The following CHRNA3 variants were observed in gnomAD, a reference collection of about 807,000 sequenced individuals.
The protein encoded by CHRNA3 is neuronal acetylcholine receptor subunit alpha-3.
A neutral mutation model predicts 41.9 loss-of-function variants in CHRNA3; 34 were observed. That is an observed-to-expected ratio of 0.81 (90% CI 0.62 to 1.08). The LOEUF (loss-of-function observed/expected upper bound fraction) is 1.08, where lower values mean the gene tolerates loss of function less well. Among genes scored for constraint, CHRNA3 ranks in the 50% least tolerant of loss-of-function variants. CHRNA3 has a pLI of 0.00. For synonymous variants in CHRNA3, 281 were observed against 265.2 expected (o/e 1.06, Z -0.58); for missense variants, 542 against 638.3 (o/e 0.85, Z 1.63).
At chr15:78,593,561 TTGAC>T (rs71528529), downstream of CHRNA3, 75 of 189,590 alleles carry the variant, frequency 4.0e-4, no homozygotes, top group Non-Finnish European at 6.7e-4. Context: ...AGTTCATCCT[TTGAC>T]TGTGCTGGAG....
chr15:78,595,960 C>G lies in CHRNA3; in HGVS notation c.*644G>C. On this transcript the variant is annotated 3_prime_UTR_variant, in exon 6 of 6. Coordinates refer to ENST00000326828, the MANE Select transcript of CHRNA3 (RefSeq NM_000743.5). ...GTGCCTTGACCTTGGACCTCCCAAC[C>G]TCCAAAACTGAGAAGTTTCTGTTGT... 1 of 800,038 alleles carries G rather than the reference C, an allele frequency of 1.2e-6. No individual in the cohort carries two copies. The highest frequency in any genetic ancestry group is 1.5e-6 in the Non-Finnish European group (1 of 661,850). 49.6% of individuals were successfully genotyped at this position (800,038 alleles called of 1,614,324 possible).
chr15:78,618,568 A>G (rs1440462303), intron 3 of CHRNA3, 49 bp downstream of exon 3: 1 of 1,610,426 alleles, frequency 6.2e-7, no homozygotes, highest in East Asian at 2.2e-5. Flanking sequence ...TAAAGCAAAT[A>G]AAACAGTCAC....
At chr15:78,604,249 C>T (rs965188745) in intron 4 of CHRNA3, among the ~76,000 whole-genome samples, 15 of 152,228 alleles carry the variant, frequency 9.9e-5, no homozygotes, top group Admixed American at 5.2e-4. Context: ...TGACCCACAA[C>T]GCCTAAAATA....
chr15:78,600,608 G>A (rs568618658), intron 5 of CHRNA3, among the ~76,000 whole-genome samples: 5 of 152,332 alleles, frequency 3.3e-5, no homozygotes, highest in African/African-American at 4.8e-5. Flanking sequence ...AAGGCCAGGT[G>A]CGGTGGCTCA....
chr15:78,615,843 C>A (rs1448600773), intron 4 of CHRNA3, among the ~76,000 whole-genome samples: 2 of 148,564 alleles, frequency 1.3e-5, no homozygotes, highest in African/African-American at 2.5e-5. Flanking sequence ...CAGGTTCAAG[C>A]GATTCTCCTG....
Position 78,596,100 on chromosome 15 carries a change from T to C in CHRNA3, c.*504A>G. 4 of 985,342 alleles carry C rather than the reference T, an allele frequency of 4.1e-6. No homozygotes were observed. Among genetic ancestry groups the C allele is most frequent in the Non-Finnish European group, 4.8e-6 (4 of 829,862 alleles). The allele number at this position is 985,342 out of a possible 1,614,324, so 61.0% of individuals were successfully genotyped here. ...TGCAAGAGAAGTAGTTGAAGCTCTC[T>C]GAAATGGAGGCATAGCCCTTTAGAC... On this transcript the variant is annotated 3_prime_UTR_variant, in exon 6 of 6. Transcript: ENST00000326828.
chr15:78,608,582 C>T (rs533511440), intron 4 of CHRNA3, among the ~76,000 whole-genome samples: 9 of 152,240 alleles, frequency 5.9e-5, no homozygotes, highest in Non-Finnish European at 1.0e-4. Flanking sequence ...CCCATCTGTA[C>T]GTCACCATCA....
chr15:78,609,325 A>G (rs1432342421), intron 4 of CHRNA3, among the ~76,000 whole-genome samples: 1 of 152,218 alleles, frequency 6.6e-6, no homozygotes, highest in Admixed American at 6.5e-5. Flanking sequence ...GGGCAGCCAG[A>G]AAGAAAGGTC....
chr15:78,600,221 C>T (rs1029051497), intron 5 of CHRNA3, among the ~76,000 whole-genome samples: 3 of 152,052 alleles, frequency 2.0e-5, no homozygotes, highest in Non-Finnish European at 2.9e-5. Flanking sequence ...ACTACAGGCA[C>T]GTGCCACCAC....
Position 78,602,208 on chromosome 15 carries a change from C to G in CHRNA3, c.434G>C (p.Gly145Ala), listed in dbSNP as rs1473157897. ...GGCCGGAGGTATCCAAGTCACCTCCCCAGTGTACTTGAGTAAGGCTTTGGT... is the reference window on the plus strand; with the variant it reads ...GGCCGGAGGTATCCAAGTCACCTCCGCAGTGTACTTGAGTAAGGCTTTGGT... Reference protein sequence around the residue: ...DKTKALLKYTGEVTWIPPAIF... With the variant: ...DKTKALLKYTAEVTWIPPAIF... Residue 145 changes from glycine (G) to alanine (A), a missense_variant, in exon 5 of 6, where the codon GGG becomes GCG. Coordinates refer to ENST00000326828, the MANE Select transcript of CHRNA3 (RefSeq NM_000743.5). 6.2e-7 allele frequency: 1 copy of G among 1,614,082 alleles called. No homozygotes were observed. The highest frequency in any genetic ancestry group is 2.2e-5 in the East Asian group (1 of 44,874).
At chr15:78,593,209 G>C, downstream of CHRNA3, 1 of 1,613,268 alleles carries the variant, frequency 6.2e-7, no homozygotes, top group Non-Finnish European at 8.5e-7. Flanking sequence ...TTATAAATGG[G>C]CAAATATATT....
chr15:78,612,105 T>C lies in CHRNA3; in HGVS notation c.377+4919A>G, dbSNP rs200308081. Among the ~76,000 whole-genome samples the C allele has an allele frequency of 1.1e-4, 17 of 152,038 alleles. No homozygotes were observed. The East Asian group carries it at 3.1e-3, about 28-fold the overall frequency. On this transcript the variant is annotated intron_variant, in intron 4 of 5. Coordinates refer to ENST00000326828, the MANE Select transcript of CHRNA3 (RefSeq NM_000743.5). ...TGGAAGAACATTCCATGCTCATGGGTAGGAAGAATCAATATCGTGAAAATG... is the reference window on the plus strand; with the variant it reads ...TGGAAGAACATTCCATGCTCATGGGCAGGAAGAATCAATATCGTGAAAATG...
chr15:78,609,854 C>T (rs1026649380), intron 4 of CHRNA3, among the ~76,000 whole-genome samples: 1 of 152,168 alleles, frequency 6.6e-6, no homozygotes, highest in African/African-American at 2.4e-5. Context: ...CAGAGACACA[C>T]ATAGGCTCAA....
chr15:78,596,705 T>G lies in CHRNA3; in HGVS notation c.1417A>C (p.Met473Leu). ...EIQDDWKYVA[M>L]VIDRIFLWVF... ...CACAGAAAAATACGATCAATCACCA[T>G]GGCAACATACTTCCAATCATCTTGA... Residue 473 changes from methionine (M) to leucine (L), a missense_variant, in exon 6 of 6, where the codon ATG (methionine) becomes CTG (leucine). Transcript: ENST00000326828. 1.9e-6 allele frequency: 3 copies of G among 1,612,230 alleles called. No individual in the cohort carries two copies. The highest frequency in any genetic ancestry group is 2.5e-6 in the Non-Finnish European group (3 of 1,179,674).
intron 4 of CHRNA3, among the ~76,000 whole-genome samples, chr15:78,615,423 C>T (rs1395601470): frequency 6.6e-6 from 1 of 152,174 alleles, no homozygotes; most frequent in African/African-American, 2.4e-5. Context: ...CCACAGTGGC[C>T]CCAAAGCCAC....
At chr15:78,618,993 C>A in intron 1 of CHRNA3, 78 bp from the exon 2 acceptor site, 2 of 1,479,290 alleles carry the variant, frequency 1.4e-6, no homozygotes, top group Non-Finnish European at 1.9e-6. Context: ...AAACATCACC[C>A]ATCTACAGCA....
intron 4 of CHRNA3, among the ~76,000 whole-genome samples, chr15:78,604,312 A>G (rs913987423): frequency 6.6e-6 from 1 of 152,190 alleles, no homozygotes; most frequent in African/African-American, 2.4e-5. Context: ...CTCTAGTCCA[A>G]CACCTTCATT....
chr15:78,617,301 A>T (rs141759312), intron 3 of CHRNA3, among the ~76,000 whole-genome samples, 168 bp from the exon 4 acceptor site: 2 of 152,162 alleles, frequency 1.3e-5, no homozygotes, highest in Non-Finnish European at 2.9e-5. Flanking sequence ...GTAGTGCAGG[A>T]GAGAGCACAC....
chr15:78,606,201 C>T (rs771999206), intron 4 of CHRNA3, among the ~76,000 whole-genome samples: 32 of 151,836 alleles, frequency 2.1e-4, no homozygotes, highest in Non-Finnish European at 3.8e-4. Flanking sequence ...TGGCAGTCAC[C>T]TGTAGTCCCA....
Sources: gnomAD v4.1 joint callset for allele counts (sites outside exome capture counted in the v4.1 genomes callset) on GRCh38, gnomAD v4.1.1 for gene constraint, MANE v1.5 for transcripts, NCBI Gene and HGNC (gene_info 2026-07-23, HGNC 2026-07-21) for gene names.